The following WDR36 variants were observed in gnomAD, a reference collection of about 807,000 sequenced individuals.
WDR36 encodes WD repeat-containing protein 36.
In WDR36, 63 loss-of-function variants were observed where a neutral mutation model predicts 112.7. The observed-to-expected ratio is 0.56, with a 90% CI of 0.46 to 0.69. The LOEUF is 0.69. Ranked by LOEUF, WDR36 falls within the 30% of genes least tolerant of loss-of-function variation. The pLI is 0.00. For missense variants in WDR36, 1,226 were observed against 1,070.3 expected, an observed-to-expected ratio of 1.15 and a Z score of -2.03; for synonymous variants, 410 against 362.2, an observed-to-expected ratio of 1.13 and a Z score of -1.50.
intron 2 of WDR36, among the ~76,000 whole-genome samples, chr5:111,095,780 G>C (rs895837429): frequency 4.6e-5 from 7 of 152,116 alleles, no homozygotes; most frequent in African/African-American, 1.7e-4. Flanking sequence ...ATTTTCTTTT[G>C]CCATCATTCC....
intron 2 of WDR36, among the ~76,000 whole-genome samples, chr5:111,096,226 T>G (rs1342287782): frequency 6.6e-6 from 1 of 152,196 alleles, no homozygotes; most frequent in Non-Finnish European, 1.5e-5. Context: ...TGCTAAAGAT[T>G]GATAGGCATA....
At position 111,103,888 on chromosome 5, in the gene WDR36, G is replaced by A. The variant is rs745696548; in HGVS notation, c.700G>A (p.Gly234Arg). 6.2e-7 allele frequency: 1 copy of A among 1,611,094 alleles called. No individual in the cohort carries two copies. The highest frequency in any genetic ancestry group is 2.2e-5 in the East Asian group (1 of 44,784). The change falls in exon 7 of 23, where the codon GGA becomes AGA. Residue 234 changes from glycine to arginine, a missense_variant. Transcript: ENST00000513710. ...ETLMKFRQDW[G>R]PITSISFRTD... ...ATTAATGAAGTTTCGTCAAGACTGGGGACCCATTACTTCAATTTCATTTCG... is the reference window on the plus strand; with the variant it reads ...ATTAATGAAGTTTCGTCAAGACTGGAGACCCATTACTTCAATTTCATTTCG...
At chr5:111,109,822 G>T (rs80262781) in intron 12 of WDR36, among the ~76,000 whole-genome samples, 1 of 151,172 alleles carries the variant, frequency 6.6e-6, no homozygotes, top group African/African-American at 2.4e-5. Context: ...AGTTACAAAA[G>T]GCAAGACAAA....
chr5:111,098,562 C>G (rs1261847957), intron 3 of WDR36, among the ~76,000 whole-genome samples, 160 bp from the exon 4 acceptor site: 1 of 152,060 alleles, frequency 6.6e-6, no homozygotes, highest in African/African-American at 2.4e-5. Context: ...TGCCTGGTCC[C>G]TTAATATTTA....
intron 1 of WDR36, among the ~76,000 whole-genome samples, 194 bp from the exon 2 acceptor site, chr5:111,094,726 C>T (rs911103520): frequency 6.6e-6 from 1 of 152,148 alleles, no homozygotes; most frequent in Non-Finnish European, 1.5e-5. Context: ...CCTACCCCTT[C>T]CATCACCACT....
chr5:111,130,096 G>C lies in WDR36; in HGVS notation c.*3213G>C, dbSNP rs191350620. On this transcript the variant is annotated 3_prime_UTR_variant, in exon 23 of 23. Coordinates refer to ENST00000513710, the MANE Select transcript of WDR36 (RefSeq NM_139281.3). ...ATAAAAATTGGTTAACTGCTGGTGA[G>C]CACATCTCTTGAAGTTTTGATATGG... is the stretch of plus-strand genomic sequence containing the variant. 3 of 210,198 alleles carry C rather than the reference G, an allele frequency of 1.4e-5. No individual in the cohort carries two copies. The highest frequency in any genetic ancestry group is 1.2e-4 in the Admixed American group (2 of 16,922). 13.0% of individuals were successfully genotyped at this position (210,198 alleles called of 1,614,324 possible).
At chr5:111,106,976 T>C (rs74420140) in intron 11 of WDR36, among the ~76,000 whole-genome samples, 1,761 of 151,576 alleles carry the variant, frequency 0.012, 40 homozygotes, top group African/African-American at 0.04. Context: ...AGTGGTCTTA[T>C]AAGACACTGT....
chr5:111,128,092 G>T lies in WDR36; in HGVS notation c.*1209G>T. The T allele has an allele frequency of 5.2e-6, 1 of 192,364 alleles. No individual in the cohort carries two copies. The highest frequency in any genetic ancestry group is 1.1e-5 in the Non-Finnish European group (1 of 92,330). The allele number at this position is 192,364 out of a possible 1,614,324, so 11.9% of individuals were successfully genotyped here. A position where few individuals can be genotyped will look rare whatever the true frequency, so the allele number is the denominator to read the frequency against. On this transcript the variant is annotated 3_prime_UTR_variant, in exon 23 of 23. Transcript: ENST00000513710. The stretch of plus-strand genomic sequence containing the variant: ...GTTTTTTTTATGGTTCAAGACTTTT[G>T]CAATACATGAATTAAAAATAAGCAG...
chr5:111,102,501 A>G (rs1753141424), intron 6 of WDR36, 102 bp downstream of exon 6: 5 of 1,167,678 alleles, frequency 4.3e-6, no homozygotes, highest in Non-Finnish European at 3.8e-6. Context: ...GAAACAATAT[A>G]TAGCTTAGTT....
intron 16 of WDR36, among the ~76,000 whole-genome samples, chr5:111,116,891 A>G (rs1047631920): frequency 1.3e-5 from 2 of 152,234 alleles, no homozygotes; most frequent in African/African-American, 4.8e-5. Context: ...GTACCTAAAC[A>G]TGTTAGGAAG....
chr5:111,119,183 T>C lies in WDR36; in HGVS notation c.1904+63T>C. The C allele has an allele frequency of 2.3e-6, 3 of 1,310,602 alleles. No homozygotes were observed. In the South Asian group the frequency reaches 3.5e-5, roughly 15 times the overall value. 81.2% of individuals were successfully genotyped at this position (1,310,602 alleles called of 1,614,324 possible). ...AGATTGTATTGTCAGAGAGTTAGAG[T>C]TGCTAAAATTGTCATTTAGGCTGTT... is the stretch of plus-strand genomic sequence containing the variant. On this transcript the variant is annotated intron_variant, in intron 17 of 22. Transcript: ENST00000513710.
At position 111,128,230 on chromosome 5, in the gene WDR36, G is replaced by A. The variant is rs147664329; in HGVS notation, c.*1347G>A. On this transcript the variant is annotated 3_prime_UTR_variant, in exon 23 of 23. Coordinates refer to ENST00000513710, the MANE Select transcript of WDR36 (RefSeq NM_139281.3). ...AACACCAGTAGCATTCTCGTTCGTT[G>A]TTAGGGTAAGAGAGTTTTGTAGAAT... The A allele has an allele frequency of 2.6e-5, 5 of 189,334 alleles. No homozygotes were observed. In the East Asian group the frequency reaches 4.2e-4, roughly 16 times the overall value. 11.7% of individuals were successfully genotyped at this position (189,334 alleles called of 1,614,324 possible).
chr5:111,099,061 A>G (rs560878036), intron 4 of WDR36, among the ~76,000 whole-genome samples: 2 of 152,314 alleles, frequency 1.3e-5, no homozygotes, highest in Non-Finnish European at 2.9e-5. Flanking sequence ...GCTTACCTCA[A>G]CTAATGTATT....
intron 17 of WDR36, among the ~76,000 whole-genome samples, chr5:111,120,157 C>G (rs1580403258): frequency 6.6e-6 from 1 of 152,088 alleles, no homozygotes; most frequent in African/African-American, 2.4e-5. Context: ...GACTTACTCT[C>G]TGAGTTCATC....
rs763598789 is a variant in WDR36, at chr5:111,126,926, T to C, written c.*43T>C. On this transcript the variant is annotated 3_prime_UTR_variant, in exon 23 of 23. Coordinates refer to ENST00000513710, the MANE Select transcript of WDR36 (RefSeq NM_139281.3). Reference sequence around the variant, plus strand: ...AACAAAGACTTTCATATTAAATGGGTTCAATTGAACTCATTTCTTATTTTC... The same window carrying C: ...AACAAAGACTTTCATATTAAATGGGCTCAATTGAACTCATTTCTTATTTTC... 51 of 1,516,008 alleles carry C rather than the reference T, an allele frequency of 3.4e-5. No individual in the cohort carries two copies. The highest frequency in any genetic ancestry group is 4.4e-5 in the Non-Finnish European group (49 of 1,121,654). The allele number at this position is 1,516,008 out of a possible 1,614,324, so 93.9% of individuals were successfully genotyped here. A position where few individuals can be genotyped will look rare whatever the true frequency, so the allele number is the denominator to read the frequency against.
chr5:111,119,127 T>G lies in WDR36; in HGVS notation c.1904+7T>G. ...ACCTTGGAATTTATCTATGGTAAGT[T>G]CTTTCATACAGTTCTGTTTTGGGAT... On this transcript the variant is annotated splice_region_variant and intron_variant, in intron 17 of 22. Coordinates refer to ENST00000513710, the MANE Select transcript of WDR36 (RefSeq NM_139281.3). The G allele has an allele frequency of 9.4e-6, 15 of 1,593,928 alleles. No homozygotes were observed. The highest frequency in any genetic ancestry group is 1.3e-5 in the Non-Finnish European group (15 of 1,161,710).
chr5:111,095,861 T>A (rs574661327), intron 2 of WDR36, among the ~76,000 whole-genome samples: 4 of 152,312 alleles, frequency 2.6e-5, no homozygotes, highest in African/African-American at 4.8e-5. Flanking sequence ...GGTTTTTTTT[T>A]AAACTATCTA....
At chr5:111,093,258 C>A (rs1280798843) in intron 1 of WDR36, among the ~76,000 whole-genome samples, 1 of 152,188 alleles carries the variant, frequency 6.6e-6, no homozygotes, top group Non-Finnish European at 1.5e-5. Flanking sequence ...AACAGTTCAT[C>A]GATCATTGTA....
Position 111,128,998 on chromosome 5 carries a change from A to G in WDR36, c.*2115A>G, listed in dbSNP as rs1030129444. The stretch of plus-strand genomic sequence containing the variant: ...GAATGTGTATATATTATCTACAGCC[A>G]CAGGAAATGTATAGTTACGATTTTT... On this transcript the variant is annotated 3_prime_UTR_variant, in exon 23 of 23. Coordinates refer to ENST00000513710, the MANE Select transcript of WDR36 (RefSeq NM_139281.3). 6 of 193,964 alleles carry G rather than the reference A, an allele frequency of 3.1e-5. No individual in the cohort carries two copies. The highest frequency in any genetic ancestry group is 1.4e-4 in the African/African-American group (6 of 43,176). The allele number at this position is 193,964 out of a possible 1,614,324, so 12.0% of individuals were successfully genotyped here.
Sources: allele counts gnomAD v4.1 joint callset (sites outside exome capture counted in the v4.1 genomes callset), GRCh38; gene constraint gnomAD v4.1.1; transcripts MANE v1.5; gene names NCBI Gene and HGNC (gene_info 2026-07-23, HGNC 2026-07-21).